CDC23: variants seen among roughly 807,000 people sequenced by gnomAD.
The protein encoded by CDC23 is cell division cycle 23, also known as cell division cycle protein 23 homolog.
CDC23 carries 26 observed loss-of-function variants against 81.7 expected under a neutral mutation model. The ratio of observed to expected loss-of-function variants is 0.32; its 90% CI spans 0.23 to 0.44. The LOEUF (loss-of-function observed/expected upper bound fraction) is 0.44, where lower values mean the gene tolerates loss of function less well. CDC23 is among the 20% of genes least tolerant of loss of function. CDC23 has a pLI of 1.00. For missense variants in CDC23, 519 were observed against 728.0 expected, an observed-to-expected ratio of 0.71 and a Z score of 3.30; for synonymous variants, 267 against 270.8, an observed-to-expected ratio of 0.99 and a Z score of 0.14.
chr5:138,189,262 G>T (rs1190838486), intron 15 of CDC23, 114 bp from the exon 16 acceptor site: 19 of 740,536 alleles, frequency 2.6e-5, no homozygotes, highest in African/African-American at 3.7e-5. Context: ...AGGCTTGCTT[G>T]TTTTTTTTTT....
rs1754826354 is a variant in CDC23 at position 138,191,462 on chromosome 5, C to A, written c.1424+12G>T. On this transcript the variant is annotated intron_variant, in intron 13 of 15. Transcript: ENST00000394886. ...ACAGAAATATCAATAGCATTTCACT[C>A]CTTTCACTCACTTTGCCAGTTTCAC... The A allele has an allele frequency of 6.2e-7, 1 of 1,612,950 alleles. No individual in the cohort carries two copies. The highest frequency in any genetic ancestry group is 8.5e-7 in the Non-Finnish European group (1 of 1,178,970).
intron 12 of CDC23, 152 bp downstream of exon 12, chr5:138,191,710 C>T: frequency 1.1e-6 from 1 of 906,948 alleles, no homozygotes; most frequent in Non-Finnish European, 1.8e-6. Context: ...ATGACCTTGG[C>T]CCAGCTTTGC....
In CDC23 at chr5:138,201,117, T is replaced by C. The variant is rs773543095; in HGVS notation, c.644A>G (p.Asp215Gly). 8 of 1,613,648 alleles carry C rather than the reference T, an allele frequency of 5.0e-6. No homozygotes were observed. The highest frequency in any genetic ancestry group is 3.3e-5 in the South Asian group (3 of 90,930). Residue 215 changes from aspartate to glycine, a missense_variant, in exon 6 of 16, where the codon GAC becomes GGC. Physicochemically the swap from Asp to Gly is moderately conservative, Grantham distance 94. Coordinates refer to ENST00000394886, the MANE Select transcript of CDC23 (RefSeq NM_004661.4). ...CTCATCACAATTTACCATCTCTTTG[T>C]CTGTGATCAGGTTACAGAGTTCTAA... Reference protein sequence around the residue: ...AWLELCNLITDKEMLKFLSLP... With the variant: ...AWLELCNLITGKEMLKFLSLP...
Position 138,199,029 on chromosome 5 carries a change from A to T in CDC23, c.655-247T>A, listed in dbSNP as rs1754953382. 3.3e-5 allele frequency among the ~76,000 whole-genome samples: 5 copies of T among 152,202 alleles called. No individual in the cohort carries two copies. The South Asian group carries it at 1.0e-3, about 31-fold the overall frequency. On this transcript the variant is annotated intron_variant, in intron 6 of 15. Transcript: ENST00000394886. ...AGGTGAGTCTTAGAGAATGGGTAGG[A>T]TTTGAATACAAAAGGGGAGAGGAAG... is the stretch of plus-strand genomic sequence containing the variant.
chr5:138,210,888 A>G (rs1430567020), intron 2 of CDC23, among the ~76,000 whole-genome samples: 1 of 152,176 alleles, frequency 6.6e-6, no homozygotes, highest in African/African-American at 2.4e-5. Flanking sequence ...TATTTATCCT[A>G]TTTAGGGAAC....
At chr5:138,207,638 A>T (rs1386604342) in intron 2 of CDC23, among the ~76,000 whole-genome samples, 1 of 152,186 alleles carries the variant, frequency 6.6e-6, no homozygotes, top group African/African-American at 2.4e-5. Context: ...TGTTAAAAAA[A>T]AATTAGATAA....
intron 6 of CDC23, among the ~76,000 whole-genome samples, chr5:138,199,134 C>G (rs1405986296): frequency 1.3e-5 from 2 of 152,044 alleles, no homozygotes; most frequent in East Asian, 3.8e-4. Context: ...GTGAGTAGGA[C>G]AAAGAAACTA....
chr5:138,194,149 A>G (rs1032703166), intron 9 of CDC23, among the ~76,000 whole-genome samples: 3 of 152,200 alleles, frequency 2.0e-5, no homozygotes, highest in African/African-American at 7.2e-5. Context: ...ACTCAGCAAT[A>G]AAAGGAACTA....
At chr5:138,212,308 T>C (rs1302469584) in intron 2 of CDC23, among the ~76,000 whole-genome samples, 1 of 152,136 alleles carries the variant, frequency 6.6e-6, no homozygotes, top group East Asian at 1.9e-4. Context: ...GTAGGTATTG[T>C]AAAAACTTTA....
At chr5:138,189,421 CT>C (rs1437724219) in intron 15 of CDC23, among the ~76,000 whole-genome samples, 1 of 151,962 alleles carries the variant, frequency 6.6e-6, no homozygotes, top group Non-Finnish European at 1.5e-5. Flanking sequence ...ACCACCAAAC[CT>C]GGCAAAATTT....
chr5:138,211,547 G>A (rs983619858), intron 2 of CDC23, among the ~76,000 whole-genome samples: 3 of 151,958 alleles, frequency 2.0e-5, no homozygotes, highest in South Asian at 2.1e-4. Context: ...CCTGTAATCC[G>A]AGCTACTCGG....
At chr5:138,199,999 C>T (rs536259206) in intron 6 of CDC23, among the ~76,000 whole-genome samples, 3 of 152,124 alleles carry the variant, frequency 2.0e-5, no homozygotes, top group African/African-American at 7.2e-5. Context: ...AGACAATATC[C>T]TCTACTAATG....
At chr5:138,191,684 A>C in intron 12 of CDC23, 149 bp from the exon 13 acceptor site, 3 of 938,614 alleles carry the variant, frequency 3.2e-6, no homozygotes, top group Non-Finnish European at 3.5e-6. Flanking sequence ...TAGGCTACAC[A>C]CTGACATTCC....
Position 138,206,661 on chromosome 5 carries a change from G to A in CDC23, c.258C>T (p.Ala86=), listed in dbSNP as rs1272854913. ...CAAAGTAGGCCTTGGCCAGGGTATAGGCATCCATATCCTGGGCATCTTCCT... is the reference window on the plus strand; with the variant it reads ...CAAAGTAGGCCTTGGCCAGGGTATAAGCATCCATATCCTGGGCATCTTCCT... ...ITEEDAQDMD[A]YTLAKAYFDV... Residue 86 remains alanine (A), a synonymous_variant, in exon 3 of 16, where the codon GCC becomes GCT. Coordinates refer to ENST00000394886, the MANE Select transcript of CDC23 (RefSeq NM_004661.4). 3 of 1,613,070 alleles carry A rather than the reference G, an allele frequency of 1.9e-6. No homozygotes were observed. Among genetic ancestry groups the A allele is most frequent in the South Asian group, 2.2e-5 (2 of 90,944 alleles).
chr5:138,205,560 T>C (rs1434891347), intron 3 of CDC23, among the ~76,000 whole-genome samples: 1 of 152,124 alleles, frequency 6.6e-6, no homozygotes, highest in African/African-American at 2.4e-5. Context: ...TGGAGAGTTA[T>C]TGTTTAATGG....
chr5:138,193,526 G>T (rs1754848963), intron 9 of CDC23, among the ~76,000 whole-genome samples: 1 of 151,960 alleles, frequency 6.6e-6, no homozygotes, highest in South Asian at 2.1e-4. Flanking sequence ...AACCTGGGAG[G>T]CAGAGGTTGC....
intron 6 of CDC23, among the ~76,000 whole-genome samples, chr5:138,199,662 A>G (rs1754963435): frequency 1.3e-5 from 2 of 152,254 alleles, no homozygotes; most frequent in African/African-American, 4.8e-5. Flanking sequence ...GAAAAGGAAG[A>G]CACAAGTATG....
intron 9 of CDC23, among the ~76,000 whole-genome samples, chr5:138,193,463 G>A (rs1198494350): frequency 6.6e-6 from 1 of 152,074 alleles, no homozygotes; most frequent in African/African-American, 2.4e-5. Context: ...GGGCATAGTG[G>A]CGCACATCTG....
At chr5:138,201,645 C>A (rs1754991019) in intron 4 of CDC23, among the ~76,000 whole-genome samples, 197 bp from the exon 5 acceptor site, 3 of 152,164 alleles carry the variant, frequency 2.0e-5, no homozygotes, top group Non-Finnish European at 4.4e-5. Flanking sequence ...CTGTACCCAG[C>A]TCATTTTCAT....
Sources: gnomAD v4.1 joint callset for allele counts (sites outside exome capture counted in the v4.1 genomes callset) on GRCh38, gnomAD v4.1.1 for gene constraint, MANE v1.5 for transcripts, NCBI Gene and HGNC (gene_info 2026-07-23, HGNC 2026-07-21) for gene names.